The following SLC7A14 variants were observed in gnomAD, a reference collection of about 807,000 sequenced individuals.
SLC7A14 encodes solute carrier family 7 member 14.
Under a neutral mutation model 60.2 loss-of-function variants are expected in SLC7A14, and 37 were observed. The ratio of observed to expected loss-of-function variants is 0.61; its 90% CI spans 0.47 to 0.81. SLC7A14 has a LOEUF of 0.81. SLC7A14 is among the 30% of genes least tolerant of loss of function. The pLI, the probability that SLC7A14 is intolerant of heterozygous loss-of-function variation, is 0.00. For missense variants in SLC7A14, 886 were observed against 982.7 expected (o/e 0.90, Z 1.32); for synonymous variants, 399 against 395.8 (o/e 1.01, Z -0.10).
chr3:170,480,640 G>A lies in SLC7A14; in HGVS notation c.1642C>T (p.Leu548=), dbSNP rs1560251350. The stretch of plus-strand genomic sequence containing the variant: ...CGGTCCATTTTGCCTGGAAGGCCCA[G>A]CCGGATTCTCATGGTGTAATAATGA... ...GPHYYTMRIR[L]GLPGKMDRPT... The change falls in exon 7 of 8, where the codon CTG becomes TTG. Residue 548 remains leucine (L), a synonymous_variant. Coordinates refer to ENST00000231706, the MANE Select transcript of SLC7A14 (RefSeq NM_020949.3). The A allele has an allele frequency of 1.2e-6, 2 of 1,614,284 alleles. No individual in the cohort carries two copies. The highest frequency in any genetic ancestry group is 1.7e-5 in the Admixed American group (1 of 60,038).
intron 1 of SLC7A14, among the ~76,000 whole-genome samples, chr3:170,582,337 A>G (rs1715259971): frequency 6.6e-6 from 1 of 152,132 alleles, no homozygotes; most frequent in African/African-American, 2.4e-5. Context: ...AAATTTTCTG[A>G]TATCTGCCCT....
intron 1 of SLC7A14, among the ~76,000 whole-genome samples, chr3:170,554,390 T>C (rs1169472470): frequency 1.3e-5 from 2 of 152,220 alleles, no homozygotes; most frequent in Non-Finnish European, 2.9e-5. Context: ...TTAATTCACA[T>C]TTTGTCTTCC....
chr3:170,529,264 A>ATG (rs770421367), intron 1 of SLC7A14, among the ~76,000 whole-genome samples: 9 of 152,288 alleles, frequency 5.9e-5, no homozygotes, highest in East Asian at 5.8e-4. Flanking sequence ...ACATATATAT[A>ATG]TGTGTGTGTG....
At chr3:170,483,099 A>C (rs1301286355) in intron 6 of SLC7A14, among the ~76,000 whole-genome samples, 4 of 152,110 alleles carry the variant, frequency 2.6e-5, no homozygotes, top group African/African-American at 9.7e-5. Context: ...GACACACATC[A>C]GCTTGTGCTG....
chr3:170,496,165 T>C, intron 4 of SLC7A14: 1 of 908,128 alleles, frequency 1.1e-6, no homozygotes, highest in Non-Finnish European at 1.9e-6. Context: ...ACGTCTGCGG[T>C]GCTGTCCATG....
At chr3:170,515,058 A>C (rs973810090) in intron 2 of SLC7A14, among the ~76,000 whole-genome samples, 2 of 152,088 alleles carry the variant, frequency 1.3e-5, no homozygotes, top group Non-Finnish European at 2.9e-5. Flanking sequence ...CATGCCTGTA[A>C]TCCCAGCACT....
At chr3:170,517,694 T>C (rs1713210495) in intron 2 of SLC7A14, among the ~76,000 whole-genome samples, 1 of 151,944 alleles carries the variant, frequency 6.6e-6, no homozygotes, top group Non-Finnish European at 1.5e-5. Context: ...CAGGAGGAGG[T>C]TGGGAACCTG....
chr3:170,521,601 T>G (rs1713340209), intron 2 of SLC7A14, among the ~76,000 whole-genome samples: 1 of 152,186 alleles, frequency 6.6e-6, no homozygotes, highest in South Asian at 2.1e-4. Context: ...TTAAAAGTGA[T>G]TAATAAGAAA....
chr3:170,550,357 CAT>C (rs1180798776), intron 1 of SLC7A14, among the ~76,000 whole-genome samples: 1 of 151,714 alleles, frequency 6.6e-6, no homozygotes, highest in African/African-American at 2.4e-5. Context: ...TGCATCTATG[CAT>C]AGAGTCACTG....
rs147739450 is a variant in SLC7A14, at chr3:170,550,791, G to A, written c.-152-23703C>T. ...CCTGCCTAGGCCTCCCAAAGTGCTG[G>A]GATTACAGGCATGAGACACCGCGCC... On this transcript the variant is annotated intron_variant, in intron 1 of 7. Coordinates refer to ENST00000231706, the MANE Select transcript of SLC7A14 (RefSeq NM_020949.3). 2.9e-3 allele frequency among the ~76,000 whole-genome samples: 447 copies of A among 151,684 alleles called. 1 individual carries two copies. The highest frequency in any genetic ancestry group is 0.017 in the Middle Eastern group (5 of 292).
Position 170,483,350 on chromosome 3 carries a change from A to T in SLC7A14, c.1079T>A (p.Val360Asp), listed in dbSNP as rs753097920. 1.2e-6 allele frequency: 2 copies of T among 1,613,722 alleles called. No homozygotes were observed. Among genetic ancestry groups the T allele is most frequent in the African/African-American group, 2.7e-5 (2 of 74,792 alleles). Residue 360 changes from valine (V) to aspartate (D), a missense_variant, in exon 6 of 8, where the codon GTC becomes GAC. Physicochemically the swap from Val to Asp is radical, Grantham distance 152. Transcript: ENST00000231706. ...CCCGTCACCAGCCATGGCATAAATG[A>T]CCCTCGGCATCGGGAAGAGGGACCC... ...LLGSLFPMPR[V>D]IYAMAGDGLL...
intron 1 of SLC7A14, among the ~76,000 whole-genome samples, chr3:170,572,060 C>CAAAAAAAAAAAAAAAAAA (rs765897392): frequency 1.2e-5 from 1 of 80,670 alleles, no homozygotes; most frequent in Non-Finnish European, 2.5e-5. Flanking sequence ...GACTCTGTCT[C>CAAAAAAAAAAAAAAAAAA]AAAAAAAAAA....
chr3:170,496,389 G>C (rs1712395395), intron 4 of SLC7A14: 2 of 1,426,194 alleles, frequency 1.4e-6, no homozygotes, highest in Non-Finnish European at 2.0e-6. Context: ...GCTCCAGGCT[G>C]AGATTGAGGG....
In SLC7A14 at chr3:170,467,295, C is replaced by A. The variant is rs200086652; in HGVS notation, c.2076G>T (p.Thr692=). Residue 692 remains threonine (T), a synonymous_variant, in exon 8 of 8, where the codon ACG becomes ACT. Coordinates refer to ENST00000231706, the MANE Select transcript of SLC7A14 (RefSeq NM_020949.3). ...SAREEALHQS[T]YQRYDVDDPF... ...GGTCATCCACGTCGTAGCGTTGGTA[C>A]GTGCTTTGGTGCAGGGCCTCTTCTC... The A allele has an allele frequency of 6.2e-7, 1 of 1,614,172 alleles. No homozygotes were observed. The highest frequency in any genetic ancestry group is 8.5e-7 in the Non-Finnish European group (1 of 1,180,026).
intron 2 of SLC7A14, among the ~76,000 whole-genome samples, chr3:170,504,355 C>T (rs1432947016): frequency 1.3e-5 from 2 of 151,936 alleles, no homozygotes; most frequent in Admixed American, 6.6e-5. Context: ...GAGTTTCACT[C>T]TGTCGCCCAG....
At position 170,526,737 on chromosome 3, in the gene SLC7A14, A is replaced by G. The variant is rs1713517330; in HGVS notation, c.200T>C (p.Val67Ala). The change falls in exon 2 of 8, where the codon GTG becomes GCG. Residue 67 changes from valine (V) to alanine (A), a missense_variant. Transcript: ENST00000231706. ...AGAGACCACATACATGCCAGTGCCC[A>G]CACAGCTGCCAACGCCAAGAGAGAT... Reference protein sequence around the residue: ...DLISLGVGSCVGTGMYVVSGL... With the variant: ...DLISLGVGSCAGTGMYVVSGL... The G allele has an allele frequency of 6.2e-7, 1 of 1,614,118 alleles. No individual in the cohort carries two copies. The highest frequency in any genetic ancestry group is 1.3e-5 in the African/African-American group (1 of 74,936).
intron 2 of SLC7A14, among the ~76,000 whole-genome samples, chr3:170,512,751 C>A (rs969516686): frequency 6.9e-6 from 1 of 145,278 alleles, no homozygotes; most frequent in African/African-American, 2.5e-5. Flanking sequence ...GCAAGCTCCG[C>A]CTCCCGGGTT....
intron 1 of SLC7A14, among the ~76,000 whole-genome samples, chr3:170,572,355 A>G (rs1714981454): frequency 6.6e-6 from 1 of 152,234 alleles, no homozygotes; most frequent in Non-Finnish European, 1.5e-5. Context: ...TGGGCCAGTC[A>G]TTCAAATTTT....
At chr3:170,554,367 TG>T (rs1330114481) in intron 1 of SLC7A14, among the ~76,000 whole-genome samples, 2 of 152,214 alleles carry the variant, frequency 1.3e-5, no homozygotes, top group Non-Finnish European at 2.9e-5. Flanking sequence ...AAATAGTTCT[TG>T]TAGGAGGTTT....
Sources: allele counts gnomAD v4.1 joint callset (sites outside exome capture counted in the v4.1 genomes callset), GRCh38; gene constraint gnomAD v4.1.1; transcripts MANE v1.5; gene names NCBI Gene and HGNC (gene_info 2026-07-23, HGNC 2026-07-21).